The following CSPP1 variants were observed in gnomAD, a reference collection of about 807,000 sequenced individuals.
CSPP1 encodes the protein centrosome and spindle pole-associated protein 1.
Under a neutral mutation model 164.4 loss-of-function variants are expected in CSPP1, and 126 were observed. The observed-to-expected ratio is 0.77, with a 90% CI of 0.66 to 0.89. The LOEUF (loss-of-function observed/expected upper bound fraction) is 0.89, where lower values mean the gene tolerates loss of function less well. Among genes scored for constraint, CSPP1 ranks in the 40% least tolerant of loss-of-function variants. The probability of loss-of-function intolerance (pLI) is 0.00; values close to 1 mark genes in which losing one functional copy is unlikely to be tolerated. For missense variants in CSPP1, 1,395 were observed against 1,449.8 expected (o/e 0.96, Z 0.61); for synonymous variants, 472 against 476.7 (o/e 0.99, Z 0.13).
At chr8:67,123,229 T>C (rs1214579466) in intron 15 of CSPP1, 1 of 152,204 alleles carries the variant, frequency 6.6e-6, no homozygotes, top group Non-Finnish European at 1.5e-5. Flanking sequence ...TGTATTATTC[T>C]CTTCAATTCT....
chr8:67,190,468 A>C (rs1164078158), intron 28 of CSPP1, among the ~76,000 whole-genome samples, 182 bp from the exon 29 acceptor site: 1 of 152,170 alleles, frequency 6.6e-6, no homozygotes, highest in Non-Finnish European at 1.5e-5. Flanking sequence ...TTCTACTTTA[A>C]AGTGATGATT....
At chr8:67,067,749 C>A (rs893169242) in intron 1 of CSPP1, among the ~76,000 whole-genome samples, 45 of 152,234 alleles carry the variant, frequency 3.0e-4, no homozygotes, top group African/African-American at 1.1e-3. Flanking sequence ...AGGTGTGAGC[C>A]ACAACGCGCG....
chr8:67,097,501 G>T (rs953192584), intron 7 of CSPP1, among the ~76,000 whole-genome samples: 8 of 152,044 alleles, frequency 5.3e-5, no homozygotes, highest in African/African-American at 1.9e-4. Flanking sequence ...TTATATGTAA[G>T]GTAATTAAAG....
intron 15 of CSPP1, among the ~76,000 whole-genome samples, chr8:67,120,016 G>C (rs1231583397): frequency 6.6e-6 from 1 of 152,082 alleles, no homozygotes; most frequent in Non-Finnish European, 1.5e-5. Flanking sequence ...CTTATGTTGA[G>C]CTGTTTGAGT....
chr8:67,159,844 T>TTC, intron 21 of CSPP1, among the ~76,000 whole-genome samples: 1 of 122,810 alleles, frequency 8.1e-6, no homozygotes, highest in Non-Finnish European at 1.6e-5. Flanking sequence ...CTTTCTTTCT[T>TTC]TCTTTCTTTT....
chr8:67,108,813 T>C (rs113232994), intron 9 of CSPP1, among the ~76,000 whole-genome samples: 97 of 152,266 alleles, frequency 6.4e-4, no homozygotes, highest in African/African-American at 2.1e-3. Context: ...ACCAGATTTT[T>C]TTGCCCTTCC....
intron 4 of CSPP1, 116 bp from the exon 5 acceptor site, chr8:67,091,687 C>T (rs1447945754): frequency 6.8e-6 from 2 of 296,138 alleles, no homozygotes; most frequent in Non-Finnish European, 1.3e-5. Context: ...CCATTTCATT[C>T]ATTTGCTCTG....
At chr8:67,088,577 C>T (rs535665465) in intron 4 of CSPP1, among the ~76,000 whole-genome samples, 2 of 149,644 alleles carry the variant, frequency 1.3e-5, no homozygotes, top group South Asian at 2.1e-4. Context: ...CATGAGCCAC[C>T]GCACCCGGCC....
chr8:67,095,845 T>C, intron 7 of CSPP1, 113 bp downstream of exon 7: 2 of 649,130 alleles, frequency 3.1e-6, no homozygotes, highest in Non-Finnish European at 5.2e-6. Context: ...TGATTTATCA[T>C]AATTAATTCT....
chr8:67,132,201 A>T (rs1821373683), intron 16 of CSPP1, 121 bp downstream of exon 16: 1 of 1,024,148 alleles, frequency 9.8e-7, no homozygotes, highest in Non-Finnish European at 1.4e-6. Context: ...CAAAATGCTG[A>T]GTTTTGAAGT....
At chr8:67,169,205 G>GTATTT (rs199581835) in intron 24 of CSPP1, among the ~76,000 whole-genome samples, 43 of 152,090 alleles carry the variant, frequency 2.8e-4, no homozygotes, top group Admixed American at 5.2e-4. Flanking sequence ...GCAGCAGTAG[G>GTATTT]TATTTTATTT....
At chr8:67,132,956 T>G (rs1454061097) in intron 16 of CSPP1, among the ~76,000 whole-genome samples, 1 of 152,222 alleles carries the variant, frequency 6.6e-6, no homozygotes, top group Non-Finnish European at 1.5e-5. Flanking sequence ...AAAAGTACTT[T>G]TGTTCAACTT....
chr8:67,149,670 C>T, intron 17 of CSPP1, 113 bp from the exon 18 acceptor site: 4 of 661,414 alleles, frequency 6.0e-6, no homozygotes, highest in Non-Finnish European at 9.4e-6. Context: ...TGAATTATTC[C>T]CAACTTTGTC....
intron 28 of CSPP1, among the ~76,000 whole-genome samples, chr8:67,185,173 G>T (rs1175794405): frequency 2.0e-5 from 3 of 151,954 alleles, no homozygotes; most frequent in Admixed American, 2.0e-4. Flanking sequence ...AGCCTGGTGT[G>T]ATTCCGTTCT....
intron 27 of CSPP1, among the ~76,000 whole-genome samples, chr8:67,179,257 G>A (rs888487176): frequency 6.6e-6 from 1 of 151,328 alleles, no homozygotes; most frequent in Non-Finnish European, 1.5e-5. Flanking sequence ...ATTTTTTTTC[G>A]TTACTATACT....
At chr8:67,173,458 T>C (rs1378123999) in intron 25 of CSPP1, 1 of 152,212 alleles carries the variant, frequency 6.6e-6, no homozygotes, top group Non-Finnish European at 1.5e-5. Flanking sequence ...GGGCAGATTA[T>C]GGGATGTGTG....
intron 20 of CSPP1, 73 bp from the exon 21 acceptor site, chr8:67,158,918 A>C: frequency 8.1e-7 from 1 of 1,240,440 alleles, no homozygotes; most frequent in Non-Finnish European, 1.1e-6. Context: ...TTATCAGATA[A>C]ATAAGGCAGC....
intron 9 of CSPP1, among the ~76,000 whole-genome samples, chr8:67,107,987 T>TTC (rs1194877353): frequency 6.6e-6 from 1 of 150,378 alleles, no homozygotes; most frequent in African/African-American, 2.4e-5. Context: ...GACAAAGTTT[T>TTC]TTTTTTTTTT....
At chr8:67,099,613 G>A (rs980223474) in intron 7 of CSPP1, among the ~76,000 whole-genome samples, 4 of 152,132 alleles carry the variant, frequency 2.6e-5, no homozygotes, top group South Asian at 2.1e-4. Context: ...AGATGTAGCC[G>A]TGGTAAAACC....
Sources: gnomAD v4.1 joint callset for allele counts (sites outside exome capture counted in the v4.1 genomes callset) on GRCh38, gnomAD v4.1.1 for gene constraint, MANE v1.5 for transcripts, NCBI Gene and HGNC (gene_info 2026-07-23, HGNC 2026-07-21) for gene names.